CEP170: variants seen among roughly 807,000 people sequenced by gnomAD.
CEP170 encodes centrosomal protein of 170 kDa.
Under a neutral mutation model 151.9 loss-of-function variants are expected in CEP170, and 21 were observed. The ratio of observed to expected loss-of-function variants is 0.14; its 90% CI spans 0.10 to 0.20. The LOEUF is 0.20. Among genes scored for constraint, CEP170 ranks in the 10% least tolerant of loss-of-function variants. The pLI, the probability that CEP170 is intolerant of heterozygous loss-of-function variation, is 1.00. For missense variants in CEP170, 964 were observed against 1,892.9 expected (o/e 0.51, Z 9.11); for synonymous variants, 356 against 648.8 (o/e 0.55, Z 6.86).
chr1:243,231,632 A>C (rs1454383789), intron 1 of CEP170, among the ~76,000 whole-genome samples: 1 of 152,228 alleles, frequency 6.6e-6, no homozygotes, highest in Non-Finnish European at 1.5e-5. Flanking sequence ...AACTAGGTTT[A>C]TAAGTTTAAG....
At chr1:243,127,614 C>G (rs967988220) in intron 19 of CEP170, among the ~76,000 whole-genome samples, 6 of 152,052 alleles carry the variant, frequency 3.9e-5, no homozygotes, top group Admixed American at 6.6e-5. Context: ...TTGATAGGAT[C>G]CACATAAGTA....
At chr1:243,152,685 C>T (rs2057220842) in intron 14 of CEP170, among the ~76,000 whole-genome samples, 1 of 151,320 alleles carries the variant, frequency 6.6e-6, no homozygotes, top group Non-Finnish European at 1.5e-5. Context: ...GCACGTACCA[C>T]CATGCCCAGC....
intron 1 of CEP170, among the ~76,000 whole-genome samples, chr1:243,242,539 T>C (rs2064956571): frequency 6.6e-6 from 1 of 152,022 alleles, no homozygotes; most frequent in Admixed American, 6.5e-5. Flanking sequence ...TTCTAAACGT[T>C]ACTCACAATA....
intron 1 of CEP170, among the ~76,000 whole-genome samples, chr1:243,246,264 C>T (rs955046322): frequency 1.4e-5 from 2 of 139,922 alleles, no homozygotes; most frequent in Non-Finnish European, 3.0e-5. Context: ...CAGAGTCTCG[C>T]TCTGCCACCC....
intron 11 of CEP170, among the ~76,000 whole-genome samples, chr1:243,170,591 C>T (rs1474632973): frequency 2.0e-5 from 3 of 152,066 alleles, no homozygotes; most frequent in Non-Finnish European, 2.9e-5. Flanking sequence ...GTCAGGAGTT[C>T]GAGACCAGCC....
At chr1:243,157,729 T>C (rs2057686402) in intron 13 of CEP170, among the ~76,000 whole-genome samples, 1 of 152,226 alleles carries the variant, frequency 6.6e-6, no homozygotes, top group Non-Finnish European at 1.5e-5. Flanking sequence ...GCTGGGGATC[T>C]CTAAGGCTGA....
intron 10 of CEP170, among the ~76,000 whole-genome samples, chr1:243,179,217 T>A (rs1434659510): frequency 6.6e-6 from 1 of 152,246 alleles, no homozygotes; most frequent in Non-Finnish European, 1.5e-5. Flanking sequence ...AGATCTCATC[T>A]AATTCCTCTA....
At chr1:243,179,651 AG>A (rs2059491622) in intron 10 of CEP170, among the ~76,000 whole-genome samples, 1 of 152,240 alleles carries the variant, frequency 6.6e-6, no homozygotes. Flanking sequence ...CATTGAAATA[AG>A]TTAGCCAATC....
intron 4 of CEP170, among the ~76,000 whole-genome samples, chr1:243,209,007 G>A (rs1246073775): frequency 6.6e-6 from 1 of 151,948 alleles, no homozygotes; most frequent in Non-Finnish European, 1.5e-5. Flanking sequence ...CTTGATTACT[G>A]CAGCATTTTA....
chr1:243,134,664 A>ATT (rs774058654), intron 17 of CEP170, among the ~76,000 whole-genome samples: 11 of 135,708 alleles, frequency 8.1e-5, no homozygotes, highest in Admixed American at 1.5e-4. Context: ...TGCCCAGCCA[A>ATT]TTTTTTTTTT....
rs982433971 is a variant in CEP170 at position 243,255,050 on chromosome 1, G to C, written c.-52C>G. 2 of 152,442 alleles carry C rather than the reference G, an allele frequency of 1.3e-5. No individual in the cohort carries two copies. The highest frequency in any genetic ancestry group is 4.8e-5 in the African/African-American group (2 of 41,446). The allele number at this position is 152,442 out of a possible 1,614,324, so 9.4% of individuals were successfully genotyped here. ...GATCGCATCACTTACCCCTTACCGT[G>C]GAGAGAGGGACCGGACGGGGGAGGC... On this transcript the variant is annotated 5_prime_UTR_variant, in exon 1 of 20. Coordinates refer to ENST00000366542, the MANE Select transcript of CEP170 (RefSeq NM_014812.3).
rs58361798 is a variant in CEP170 at position 243,243,036 on chromosome 1, C to T, written c.-42+12004G>A. Among the ~76,000 whole-genome samples, 621 of 152,310 alleles carry T rather than the reference C, an allele frequency of 4.1e-3. 4 individuals carry two copies. The highest frequency in any genetic ancestry group is 0.014 in the African/African-American group (585 of 41,564). On this transcript the variant is annotated intron_variant, in intron 1 of 19. Coordinates refer to ENST00000366542, the MANE Select transcript of CEP170 (RefSeq NM_014812.3). ...AATTGTTGATTCTCTATAGCAGATC[C>T]TTAACATTCTGGAATTTGTTATACA...
intron 3 of CEP170, among the ~76,000 whole-genome samples, chr1:243,213,515 T>A (rs1192476460): frequency 6.6e-6 from 1 of 152,054 alleles, no homozygotes; most frequent in Non-Finnish European, 1.5e-5. Context: ...TTGATAAAGC[T>A]GATAGCATAA....
chr1:243,219,760 A>G (rs1354336462), intron 3 of CEP170, among the ~76,000 whole-genome samples: 2 of 152,250 alleles, frequency 1.3e-5, no homozygotes, highest in East Asian at 1.9e-4. Context: ...ATTTTTCACT[A>G]TAAATTCTTC....
rs199658866 is a variant in CEP170 at position 243,173,373 on chromosome 1, C to CT, written c.1567-528dup. Among the ~76,000 whole-genome samples the CT allele has an allele frequency of 6.1e-3, 932 of 151,596 alleles. 14 individuals are homozygous for CT. The highest frequency in any genetic ancestry group is 0.021 in the African/African-American group (871 of 41,354). On this transcript the variant is annotated intron_variant, in intron 10 of 19. Coordinates refer to ENST00000366542, the MANE Select transcript of CEP170 (RefSeq NM_014812.3). ...ACATGCCTGGCCGAAAGTAACTATC[C>CT]TTTTTTTAACATTTAGCAAATGTCC...
At chr1:243,233,741 A>AAAAAAAT (rs1367723157) in intron 1 of CEP170, among the ~76,000 whole-genome samples, 4 of 140,434 alleles carry the variant, frequency 2.8e-5, no homozygotes, top group African/African-American at 7.9e-5. Context: ...TCAAAAAAAA[A>AAAAAAAT]ATATATATAT....
chr1:243,234,406 G>A (rs754412695), intron 1 of CEP170, among the ~76,000 whole-genome samples: 4 of 152,138 alleles, frequency 2.6e-5, no homozygotes, highest in African/African-American at 4.8e-5. Context: ...AGAATAAATC[G>A]TAGGAGAAAG....
chr1:243,145,553 G>A (rs1215526008), intron 14 of CEP170, among the ~76,000 whole-genome samples: 3 of 152,222 alleles, frequency 2.0e-5, no homozygotes, highest in Admixed American at 1.3e-4. Flanking sequence ...GATTACAGGC[G>A]TGAGCCACTA....
Position 243,166,077 on chromosome 1 carries a change from G to A in CEP170, c.1883C>T (p.Thr628Ile), listed in dbSNP as rs773293632. ...ISESGMTVRS[T>I]GSATSLASQG... The stretch of plus-strand genomic sequence containing the variant: ...GCTAGCCAAGGAAGTTGCAGAGCCA[G>A]TACTTCTCACTGTCATGCCAGACTC... The change falls in exon 13 of 20, where the codon ACT (threonine) becomes ATT (isoleucine). Residue 628 changes from threonine to isoleucine, a missense_variant. Physicochemically the swap from Thr to Ile is moderately conservative, Grantham distance 89. Coordinates refer to ENST00000366542, the MANE Select transcript of CEP170 (RefSeq NM_014812.3). 6.2e-7 allele frequency: 1 copy of A among 1,612,840 alleles called. No individual in the cohort carries two copies. The highest frequency in any genetic ancestry group is 1.1e-5 in the South Asian group (1 of 90,926).
Sources: gnomAD v4.1 joint callset for allele counts (sites outside exome capture counted in the v4.1 genomes callset) on GRCh38, gnomAD v4.1.1 for gene constraint, MANE v1.5 for transcripts, NCBI Gene and HGNC (gene_info 2026-07-23, HGNC 2026-07-21) for gene names.